SLC16A12: variants seen among roughly 807,000 people sequenced by gnomAD.
The protein encoded by SLC16A12 is monocarboxylate transporter 12.
A neutral mutation model predicts 42.4 loss-of-function variants in SLC16A12; 17 were observed. That is an observed-to-expected ratio of 0.40 (90% confidence interval 0.27 to 0.60). The LOEUF (loss-of-function observed/expected upper bound fraction) is 0.60. Ranked by LOEUF, SLC16A12 falls within the 20% of genes least tolerant of loss-of-function variation. The pLI is 0.42. For missense variants in SLC16A12, 544 were observed against 623.0 expected, an observed-to-expected ratio of 0.87 and a Z score of 1.35; for synonymous variants, 224 against 229.4, an observed-to-expected ratio of 0.98 and a Z score of 0.21.
chr10:89,497,940 ATAAT>A (rs1351913812), intron 2 of SLC16A12, among the ~76,000 whole-genome samples: 2 of 152,226 alleles, frequency 1.3e-5, no homozygotes, highest in African/African-American at 4.8e-5. Flanking sequence ...AGAAGTAGGT[ATAAT>A]TATTTTATCT....
intron 3 of SLC16A12, among the ~76,000 whole-genome samples, chr10:89,460,039 G>C (rs1356161444): frequency 6.6e-6 from 1 of 152,176 alleles, no homozygotes; most frequent in Non-Finnish European, 1.5e-5. Context: ...GCTCACATGA[G>C]GCAATGTGAT....
intron 2 of SLC16A12, among the ~76,000 whole-genome samples, chr10:89,491,742 A>G (rs11185728): frequency 0.11 from 16,536 of 152,206 alleles, 976 homozygotes; most frequent in South Asian, 0.19. Flanking sequence ...AAAATGACCC[A>G]GAGGATGGTC....
intron 2 of SLC16A12, among the ~76,000 whole-genome samples, chr10:89,530,951 T>C (rs1843541750): frequency 6.6e-6 from 1 of 152,226 alleles, no homozygotes; most frequent in Non-Finnish European, 1.5e-5. Flanking sequence ...TTCTTTCACT[T>C]AGCATAATGT....
chr10:89,537,114 C>G (rs965164444), upstream of SLC16A12, among the ~76,000 whole-genome samples: 20 of 148,612 alleles, frequency 1.3e-4, no homozygotes, highest in Non-Finnish European at 2.5e-4. Context: ...CAGTAGGGAG[C>G]ATTTGCCACG....
chr10:89,490,558 G>T (rs1236698451), intron 2 of SLC16A12, among the ~76,000 whole-genome samples: 1 of 152,160 alleles, frequency 6.6e-6, no homozygotes, highest in African/African-American at 2.4e-5. Context: ...ATATTATAAA[G>T]GATACAGCTC....
intron 2 of SLC16A12, among the ~76,000 whole-genome samples, chr10:89,481,678 A>AGAGAGT (rs771386614): frequency 3.7e-4 from 53 of 143,980 alleles, no homozygotes; most frequent in Middle Eastern, 3.6e-3. Flanking sequence ...AGAGAGAGAG[A>AGAGAGT]GTGTGTGTGT....
chr10:89,550,371 T>C (rs1340633248), intron 2 of SLC16A12, among the ~76,000 whole-genome samples: 3 of 152,024 alleles, frequency 2.0e-5, no homozygotes, highest in African/African-American at 4.8e-5. Flanking sequence ...ATACAAAAAT[T>C]AGACGGGTGT....
At chr10:89,507,497 T>A (rs534324963) in intron 2 of SLC16A12, among the ~76,000 whole-genome samples, 1 of 152,114 alleles carries the variant, frequency 6.6e-6, no homozygotes, top group Non-Finnish European at 1.5e-5. Flanking sequence ...GAAGAAGAAA[T>A]AAAATTCTTT....
intron 2 of SLC16A12, among the ~76,000 whole-genome samples, chr10:89,529,116 C>T (rs1440892478): frequency 6.6e-6 from 1 of 152,088 alleles, no homozygotes; most frequent in African/African-American, 2.4e-5. Context: ...TTAACTTTGT[C>T]GTGAGTTTTT....
At chr10:89,545,558 G>A (rs954419076) in intron 2 of SLC16A12, among the ~76,000 whole-genome samples, 2 of 152,078 alleles carry the variant, frequency 1.3e-5, no homozygotes, top group African/African-American at 2.4e-5. Context: ...AGGAAAATAA[G>A]AGAGGACCCA....
intron 2 of SLC16A12, among the ~76,000 whole-genome samples, chr10:89,473,679 T>C (rs1415990002): frequency 6.6e-6 from 1 of 152,174 alleles, no homozygotes; most frequent in African/African-American, 2.4e-5. Context: ...TAGAGAAGAT[T>C]TCTAAATGAA....
chr10:89,546,626 G>A (rs986127798), intron 2 of SLC16A12, among the ~76,000 whole-genome samples: 6 of 152,198 alleles, frequency 3.9e-5, no homozygotes, highest in East Asian at 3.9e-4. Flanking sequence ...ATAGTATCGC[G>A]ATTCCTCAAG....
At chr10:89,537,707 C>A (rs1431287418), upstream of SLC16A12, among the ~76,000 whole-genome samples, 1 of 152,020 alleles carries the variant, frequency 6.6e-6, no homozygotes, top group Non-Finnish European at 1.5e-5. Flanking sequence ...CTTTGGGTGG[C>A]AAATAAGTCT....
chr10:89,520,817 G>A (rs755350398), intron 2 of SLC16A12, among the ~76,000 whole-genome samples: 11 of 151,582 alleles, frequency 7.3e-5, no homozygotes, highest in Non-Finnish European at 1.2e-4. Context: ...TCAGATCTCA[G>A]CTTAACTGAG....
At position 89,540,863 on chromosome 10, in the gene SLC16A12, T is replaced by TA. The variant is rs1477851423; in HGVS notation, c.-47+15018dup. On this transcript the variant is annotated intron_variant, in intron 2 of 2. Coordinates refer to the SLC16A12 transcript ENST00000475682. ...TGAATTTGAAATCAGAAAACCGAAG[T>TA]AAAAAATCTCATTTCTACCACTTCT... Among the ~76,000 whole-genome samples, 3 of 152,128 alleles carry TA rather than the reference T, an allele frequency of 2.0e-5. No homozygotes were observed. In the South Asian group the frequency reaches 6.2e-4, roughly 32 times the overall value.
chr10:89,438,198 C>T (rs571023044), intron 6 of SLC16A12, among the ~76,000 whole-genome samples: 9 of 152,202 alleles, frequency 5.9e-5, no homozygotes, highest in South Asian at 4.2e-4. Context: ...GAATTAAGAA[C>T]GGTTTTTCCG....
At chr10:89,513,649 A>G (rs1269233133) in intron 2 of SLC16A12, among the ~76,000 whole-genome samples, 1 of 152,224 alleles carries the variant, frequency 6.6e-6, no homozygotes, top group Admixed American at 6.5e-5. Flanking sequence ...TTACTAATCA[A>G]ATGTGACTTG....
intron 2 of SLC16A12, among the ~76,000 whole-genome samples, chr10:89,541,801 T>A (rs544216371): frequency 6.6e-6 from 1 of 152,326 alleles, no homozygotes; most frequent in East Asian, 1.9e-4. Context: ...CAATCAAAAT[T>A]TTTTTCAGAT....
At chr10:89,438,114 C>A (rs1197756476) in intron 6 of SLC16A12, among the ~76,000 whole-genome samples, 1 of 136,730 alleles carries the variant, frequency 7.3e-6, no homozygotes, top group Non-Finnish European at 1.6e-5. Flanking sequence ...AAATCTACCG[C>A]CAGAACTTGT....
Sources: gnomAD v4.1 joint callset for allele counts (sites outside exome capture counted in the v4.1 genomes callset) on GRCh38, gnomAD v4.1.1 for gene constraint, MANE v1.5 for transcripts, NCBI Gene and HGNC (gene_info 2026-07-23, HGNC 2026-07-21) for gene names.